The following SSBP2 variants were observed in gnomAD, a reference collection of about 807,000 sequenced individuals.
SSBP2 encodes the protein single stranded DNA binding protein 2, also known as single-stranded DNA-binding protein 2.
Under a neutral mutation model 61.8 loss-of-function variants are expected in SSBP2, and 17 were observed. The observed-to-expected ratio is 0.28, with a 90% CI of 0.19 to 0.41. The LOEUF (loss-of-function observed/expected upper bound fraction) is 0.41. SSBP2 is among the 10% of genes least tolerant of loss of function. SSBP2 has a pLI of 1.00. For synonymous variants in SSBP2, 139 were observed against 141.3 expected (o/e 0.98, Z 0.12); for missense variants, 310 against 458.7 (o/e 0.68, Z 2.96).
At chr5:81,707,283 C>A (rs947695900) in intron 1 of SSBP2, among the ~76,000 whole-genome samples, 2 of 152,074 alleles carry the variant, frequency 1.3e-5, no homozygotes, top group Non-Finnish European at 1.5e-5. Flanking sequence ...AGAGTCCTAG[C>A]CCCTCGTACC....
rs1050679813 is a variant in SSBP2, at chr5:81,536,423, T to C, written c.283-22706A>G. 2.6e-5 allele frequency among the ~76,000 whole-genome samples: 4 copies of C among 152,152 alleles called. No individual in the cohort carries two copies. The East Asian group carries it at 7.7e-4, about 29-fold the overall frequency. Reference sequence around the variant, plus strand: ...ACAGGTTATTTCATCACCCAGGTATTAAGCCTAGTACCTCTTAGTTATTTT... The same window carrying C: ...ACAGGTTATTTCATCACCCAGGTATCAAGCCTAGTACCTCTTAGTTATTTT... On this transcript the variant is annotated intron_variant, in intron 4 of 16. Coordinates refer to ENST00000320672, the MANE Select transcript of SSBP2 (RefSeq NM_012446.5).
At chr5:81,601,846 T>G (rs1744394708) in intron 4 of SSBP2, among the ~76,000 whole-genome samples, 1 of 152,172 alleles carries the variant, frequency 6.6e-6, no homozygotes, top group Non-Finnish European at 1.5e-5. Context: ...CCTCTCAATC[T>G]GAAGACCTGT....
At chr5:81,450,843 T>C (rs934908024) in intron 10 of SSBP2, among the ~76,000 whole-genome samples, 1 of 152,246 alleles carries the variant, frequency 6.6e-6, no homozygotes, top group African/African-American at 2.4e-5. Flanking sequence ...ATCTCTTTGA[T>C]CACCCTCTAG....
chr5:81,638,117 G>T lies in SSBP2; in HGVS notation c.136-1499C>A, dbSNP rs575570536. On this transcript the variant is annotated intron_variant, in intron 2 of 16. Coordinates refer to ENST00000320672, the MANE Select transcript of SSBP2 (RefSeq NM_012446.5). ...GGGGACTGTTGTGGGGTGGGGGGAG[G>T]GGGGAGAGATAGCATTGGGAGATAT... Among the ~76,000 whole-genome samples, 5 of 122,554 alleles carry T rather than the reference G, an allele frequency of 4.1e-5. 1 individual carries two copies. The highest frequency in any genetic ancestry group is 6.3e-4 in the South Asian group (2 of 3,164). 80.4% of individuals were successfully genotyped at this position (122,554 alleles called of 152,430 possible).
At chr5:81,650,169 A>G in intron 2 of SSBP2, 98 bp downstream of exon 2, 1 of 821,692 alleles carries the variant, frequency 1.2e-6, no homozygotes, top group South Asian at 1.7e-5. Context: ...AATTCACTAT[A>G]TAATACATAA....
In SSBP2 at chr5:81,414,373, T is replaced by G. The variant is rs1761232330; in HGVS notation, c.*6131A>C. On this transcript the variant is annotated 3_prime_UTR_variant, in exon 17 of 17. Transcript: ENST00000320672. ...ATTCAAGAAAACCAATTATACTAAGTTAACAGGGAAAATTTAACAGAGGAA... is the reference window on the plus strand; with the variant it reads ...ATTCAAGAAAACCAATTATACTAAGGTAACAGGGAAAATTTAACAGAGGAA... 1 of 152,130 alleles carries G rather than the reference T, an allele frequency of 6.6e-6. No individual in the cohort carries two copies. Among genetic ancestry groups the G allele is most frequent in the Non-Finnish European group, 1.5e-5 (1 of 67,996 alleles). 9.4% of individuals were successfully genotyped at this position (152,130 alleles called of 1,614,324 possible). A position where few individuals can be genotyped will look rare whatever the true frequency, so the allele number is the denominator to read the frequency against.
chr5:81,457,616 G>A (rs1227616096), intron 10 of SSBP2, among the ~76,000 whole-genome samples: 1 of 151,964 alleles, frequency 6.6e-6, no homozygotes, highest in Non-Finnish European at 1.5e-5. Context: ...ACAATAATGG[G>A]ACAAATCATC....
intron 1 of SSBP2, among the ~76,000 whole-genome samples, chr5:81,745,052 C>T: frequency 6.6e-6 from 1 of 152,158 alleles, no homozygotes; most frequent in South Asian, 2.1e-4. Flanking sequence ...TAACTATTAA[C>T]TTACATGACA....
chr5:81,722,170 CA>C (rs986199924), intron 1 of SSBP2, among the ~76,000 whole-genome samples: 8 of 151,982 alleles, frequency 5.3e-5, no homozygotes, highest in East Asian at 3.9e-4. Flanking sequence ...TAAACAACAG[CA>C]AAAAGAATAC....
chr5:81,724,842 C>T (rs555491980), intron 1 of SSBP2, among the ~76,000 whole-genome samples: 29 of 152,084 alleles, frequency 1.9e-4, no homozygotes, highest in African/African-American at 6.7e-4. Flanking sequence ...CTACGATGGA[C>T]AGAAATAACA....
At chr5:81,452,441 T>C (rs558462509) in intron 10 of SSBP2, among the ~76,000 whole-genome samples, 1 of 152,138 alleles carries the variant, frequency 6.6e-6, no homozygotes, top group Non-Finnish European at 1.5e-5. Flanking sequence ...ATTTATGTTT[T>C]AGAGAAATAA....
chr5:81,663,411 G>T (rs1561667834), intron 1 of SSBP2, among the ~76,000 whole-genome samples: 1 of 151,820 alleles, frequency 6.6e-6, no homozygotes, highest in Non-Finnish European at 1.5e-5. Flanking sequence ...AAGTAGATAT[G>T]ACTTTGTATC....
chr5:81,638,244 A>G (rs1748428493), intron 2 of SSBP2, among the ~76,000 whole-genome samples: 1 of 152,122 alleles, frequency 6.6e-6, no homozygotes, highest in African/African-American at 2.4e-5. Flanking sequence ...CCTAAAACTT[A>G]AAGTATAATA....
chr5:81,731,006 T>C (rs1211235691), intron 1 of SSBP2, among the ~76,000 whole-genome samples: 1 of 152,234 alleles, frequency 6.6e-6, no homozygotes, highest in African/African-American at 2.4e-5. Context: ...TTCACATTGT[T>C]GTGAAACAGA....
At chr5:81,650,150 A>G (rs1487144380) in intron 2 of SSBP2, 117 bp downstream of exon 2, 8 of 674,608 alleles carry the variant, frequency 1.2e-5, no homozygotes, top group Non-Finnish European at 1.7e-5. Context: ...ATGTATACGG[A>G]TAACTAGGAA....
intron 4 of SSBP2, among the ~76,000 whole-genome samples, chr5:81,530,798 A>C (rs1196625921): frequency 6.6e-6 from 1 of 152,130 alleles, no homozygotes; most frequent in Non-Finnish European, 1.5e-5. Flanking sequence ...GCTGTTATAA[A>C]TGCATTCACT....
chr5:81,480,789 G>A (rs1419833910), intron 6 of SSBP2, among the ~76,000 whole-genome samples: 1 of 152,224 alleles, frequency 6.6e-6, no homozygotes, highest in African/African-American at 2.4e-5. Flanking sequence ...TCTGTAGCAT[G>A]TGATGCTGTT....
At chr5:81,676,352 G>C (rs1010502827) in intron 1 of SSBP2, among the ~76,000 whole-genome samples, 1 of 152,106 alleles carries the variant, frequency 6.6e-6, no homozygotes, top group Non-Finnish European at 1.5e-5. Context: ...ATGTGAAAGT[G>C]TTATTCTCTT....
intron 4 of SSBP2, among the ~76,000 whole-genome samples, chr5:81,550,510 A>C (rs1561530523): frequency 6.6e-6 from 1 of 152,236 alleles, no homozygotes; most frequent in Non-Finnish European, 1.5e-5. Context: ...GATATTAAAA[A>C]GAGGGGCATG....
Sources: allele counts gnomAD v4.1 joint callset (sites outside exome capture counted in the v4.1 genomes callset), GRCh38; gene constraint gnomAD v4.1.1; transcripts MANE v1.5; gene names NCBI Gene and HGNC (gene_info 2026-07-23, HGNC 2026-07-21).